TULP4: variants seen among roughly 807,000 people sequenced by gnomAD.
TULP4 encodes the protein TUB like protein 4.
In TULP4, 16 loss-of-function variants were observed where a neutral mutation model predicts 129.0. That is an observed-to-expected ratio of 0.12 (90% CI 0.08 to 0.19). The LOEUF is 0.19. TULP4 is among the 10% of genes least tolerant of loss of function. TULP4 has a pLI of 1.00. For synonymous variants in TULP4, 998 were observed against 854.0 expected (o/e 1.17, Z -2.94); for missense variants, 1,842 against 2,059.1 (o/e 0.89, Z 2.04).
chr6:158,258,680 A>C lies in TULP4; in HGVS notation n.68+26377A>C, dbSNP rs201630388. The stretch of plus-strand genomic sequence containing the variant: ...AAATTTAAAGCAAAACAAAACAATC[A>C]AATAAAAAACTAAATTAAAACAAAA... On this transcript the variant is annotated intron_variant and non_coding_transcript_variant, in intron 1 of 1. Coordinates refer to the TULP4 transcript ENST00000620026. Among the ~76,000 whole-genome samples, 29 of 152,344 alleles carry C rather than the reference A, an allele frequency of 1.9e-4. No homozygotes were observed. The East Asian group carries it at 5.6e-3, about 29-fold the overall frequency.
At chr6:158,467,600 G>C (rs1352280054) in intron 6 of TULP4, among the ~76,000 whole-genome samples, 5 of 152,132 alleles carry the variant, frequency 3.3e-5, no homozygotes, top group East Asian at 1.9e-4. Flanking sequence ...CTTTTAAACT[G>C]TTCTTCACTT....
intron 1 of TULP4, among the ~76,000 whole-genome samples, chr6:158,315,602 T>C (rs1462309318): frequency 6.6e-6 from 1 of 152,234 alleles, no homozygotes. Context: ...TACTTGGTGC[T>C]CCTTCCCAGA....
At chr6:158,491,289 T>G (rs1471477889) in intron 9 of TULP4, among the ~76,000 whole-genome samples, 1 of 152,358 alleles carries the variant, frequency 6.6e-6, no homozygotes, top group Non-Finnish European at 1.5e-5. Flanking sequence ...GCTGCTTCGT[T>G]TGCATGTTTC....
intron 1 of TULP4, chr6:158,242,892 C>T (rs1777949794): frequency 5.3e-6 from 1 of 189,038 alleles, no homozygotes; most frequent in Non-Finnish European, 1.1e-5. Flanking sequence ...TCAAGTGATT[C>T]TCCTTGCCCC....
intron 1 of TULP4, among the ~76,000 whole-genome samples, chr6:158,297,627 A>G (rs117581252): frequency 0.012 from 1,779 of 152,278 alleles, 19 homozygotes; most frequent in Middle Eastern, 0.02. Flanking sequence ...GAACTGATAT[A>G]TGTCCACGAA....
chr6:158,260,590 A>AAAT (rs1308082527), intron 1 of TULP4, among the ~76,000 whole-genome samples: 1 of 151,616 alleles, frequency 6.6e-6, no homozygotes, highest in East Asian at 2.0e-4. Flanking sequence ...AAAAAAAAAA[A>AAAT]ATGTTCATTA....
Position 158,504,112 on chromosome 6 carries a change from G to A in TULP4, c.4449G>A (p.Leu1483=), listed in dbSNP as rs1399615856. 6 of 1,608,850 alleles carry A rather than the reference G, an allele frequency of 3.7e-6. No homozygotes were observed. The South Asian group carries it at 6.7e-5, about 18-fold the overall frequency. ...ACGAGGCCACCCAGGTCTACCAGCT[G>A]GACTTCGGGGGGCGGGTGACCCAGG... ...LWNEATQVYQ[L]DFGGRVTQES... The change falls in exon 13 of 14, where the codon CTG becomes CTA. Residue 1483 remains leucine, a synonymous_variant. Transcript: ENST00000367097.
At chr6:158,491,468 TTTCTTTTC>T (rs1182382103) in intron 9 of TULP4, among the ~76,000 whole-genome samples, 2 of 26,230 alleles carry the variant, frequency 7.6e-5, no homozygotes, top group Admixed American at 3.8e-4. Flanking sequence ...TCTTTCTTTC[TTTCTTTTC>T]TTTCTTTCTT....
chr6:158,369,459 A>G (rs1418757241), intron 1 of TULP4, among the ~76,000 whole-genome samples: 2 of 152,198 alleles, frequency 1.3e-5, no homozygotes, highest in African/African-American at 4.8e-5. Flanking sequence ...TGATTATGTC[A>G]CTGCACTTCA....
chr6:158,502,908 A>G lies in TULP4; in HGVS notation c.3245A>G (p.Asp1082Gly), dbSNP rs554914544. 2 of 1,613,906 alleles carry G rather than the reference A, an allele frequency of 1.2e-6. No homozygotes were observed. The highest frequency in any genetic ancestry group is 1.7e-6 in the Non-Finnish European group (2 of 1,179,992). The stretch of plus-strand genomic sequence containing the variant: ...CCCGACAGCGCCCGCGACCGCACCG[A>G]CTACGTCAACTCGGCCTTCACGGAG... ...SPPDSARDRT[D>G]YVNSAFTEDE... The change falls in exon 13 of 14, where the codon GAC becomes GGC. Residue 1082 changes from aspartate (D) to glycine (G), a missense_variant. Physicochemically the swap from Asp to Gly is moderately conservative, Grantham distance 94 (BLOSUM62 -1). Coordinates refer to ENST00000367097, the MANE Select transcript of TULP4 (RefSeq NM_020245.5).
rs1780504068 is a variant in TULP4 at position 158,503,067 on chromosome 6, C to T, written c.3404C>T (p.Pro1135Leu). Reference protein sequence around the residue: ...DPMLGEDVWVPQERTAQTSGP... With the variant: ...DPMLGEDVWVLQERTAQTSGP... ...ATGCTGGGTGAGGATGTTTGGGTTC[C>T]TCAAGAAAGGACAGCACAGACTTCA... The change falls in exon 13 of 14, where the codon CCT becomes CTT. Residue 1135 changes from proline (P) to leucine (L), a missense_variant. Pro to Leu is a moderately conservative substitution (Grantham distance 98). This residue lies in a region of TULP4 where 1,089 missense variants were observed against 987.1 expected (regional missense o/e 1.10). Transcript: ENST00000367097. This position sits in a 1 kb window ranked among gnomAD's most constrained non-coding sequence, Gnocchi z 4.3. 1.2e-6 allele frequency: 2 copies of T among 1,614,016 alleles called. No homozygotes were observed. Among genetic ancestry groups the T allele is most frequent in the Admixed American group, 1.7e-5 (1 of 60,008 alleles).
At chr6:158,444,246 A>AAAC (rs1562568657) in intron 3 of TULP4, among the ~76,000 whole-genome samples, 1 of 86,704 alleles carries the variant, frequency 1.2e-5, no homozygotes, top group African/African-American at 4.0e-5. Flanking sequence ...AAAAAAAAAA[A>AAAC]TTTTTTTTTT....
chr6:158,277,823 AG>A (rs1778673920), upstream of TULP4, among the ~76,000 whole-genome samples: 1 of 152,212 alleles, frequency 6.6e-6, no homozygotes, highest in Non-Finnish European at 1.5e-5. Flanking sequence ...TCCCTGTAAC[AG>A]TCCCAGGTAC....
rs747392976 is a variant in TULP4 at position 158,501,895 on chromosome 6, C to T, written c.2232C>T (p.Tyr744=). ...ATGCAGGTGACAGTGCCACCCAGTA[C>T]CCAGTCTCCAACCGGTACTCCAATC... ...AEHAGDSATQ[Y]PVSNRYSNPG... is the part of the protein sequence containing the mutation. The change falls in exon 13 of 14, where the codon TAC becomes TAT. Residue 744 remains tyrosine, a synonymous_variant. Transcript: ENST00000367097. 4 of 1,614,138 alleles carry T rather than the reference C, an allele frequency of 2.5e-6. No homozygotes were observed. The highest frequency in any genetic ancestry group is 2.2e-5 in the East Asian group (1 of 44,870).
chr6:158,498,411 C>G (rs537598662), intron 11 of TULP4, among the ~76,000 whole-genome samples: 2 of 152,316 alleles, frequency 1.3e-5, no homozygotes, highest in South Asian at 4.1e-4. Context: ...ATTTGTAGTT[C>G]TGTAGACAAA....
intron 2 of TULP4, among the ~76,000 whole-genome samples, chr6:158,421,524 A>C (rs575133937): frequency 6.6e-6 from 1 of 152,302 alleles, no homozygotes; most frequent in East Asian, 1.9e-4. Flanking sequence ...TTCAGGTTAA[A>C]ATAAAATTTT....
At chr6:158,341,849 C>T (rs1780186819) in intron 1 of TULP4, among the ~76,000 whole-genome samples, 1 of 151,908 alleles carries the variant, frequency 6.6e-6, no homozygotes, top group Admixed American at 6.6e-5. Flanking sequence ...ATACTTTCTC[C>T]CATTCTGTGA....
At chr6:158,359,091 C>T (rs1412422305) in intron 1 of TULP4, among the ~76,000 whole-genome samples, 1 of 152,154 alleles carries the variant, frequency 6.6e-6, no homozygotes, top group Non-Finnish European at 1.5e-5. Context: ...TTAAGATAGC[C>T]TTCATAGGAA....
Position 158,288,922 on chromosome 6 carries a change from G to A in TULP4, n.116+6544G>A, listed in dbSNP as rs140262726. 3.8e-4 allele frequency among the ~76,000 whole-genome samples: 58 copies of A among 152,284 alleles called. No individual in the cohort carries two copies. In the East Asian group the frequency reaches 0.01, roughly 27 times the overall value. Reference sequence around the variant, plus strand: ...TATATTTCTAATTAGTAGACAAACAGATTTTCTAATAACCTCTTAGAACTA... The same window carrying A: ...TATATTTCTAATTAGTAGACAAACAAATTTTCTAATAACCTCTTAGAACTA... On this transcript the variant is annotated intron_variant and non_coding_transcript_variant, in intron 1 of 1. Transcript: ENST00000432358.
Sources: allele counts gnomAD v4.1 joint callset (sites outside exome capture counted in the v4.1 genomes callset), GRCh38; gene constraint gnomAD v4.1.1; regional missense constraint gnomAD v4.1.1; non-coding constraint Gnocchi (gnomAD v3.1); transcripts MANE v1.5; gene names NCBI Gene and HGNC (gene_info 2026-07-23, HGNC 2026-07-21).